Variants in PFKM observed in about 807,000 individuals in gnomAD.
PFKM encodes ATP-dependent 6-phosphofructokinase, muscle type.
A neutral mutation model predicts 95.5 loss-of-function variants in PFKM; 58 were observed. The ratio of observed to expected loss-of-function variants is 0.61; its 90% confidence interval spans 0.49 to 0.76. The LOEUF (loss-of-function observed/expected upper bound fraction) is 0.76, where lower values mean the gene tolerates loss of function less well. PFKM is among the 30% of genes least tolerant of loss of function. The pLI is 0.00. For synonymous variants in PFKM, 336 were observed against 357.2 expected, an observed-to-expected ratio of 0.94 and a Z score of 0.67; for missense variants, 678 against 1,005.4, an observed-to-expected ratio of 0.67 and a Z score of 4.40.
chr12:48,116,197 C>T (rs2137689026), upstream of PFKM, among the ~76,000 whole-genome samples: 1 of 147,420 alleles, frequency 6.8e-6, no homozygotes, highest in South Asian at 2.2e-4. Flanking sequence ...CTCTCTCCTT[C>T]CCTCCTTCCT....
chr12:48,135,982 G>A (rs894335343), intron 10 of PFKM, among the ~76,000 whole-genome samples: 18 of 151,874 alleles, frequency 1.2e-4, no homozygotes, highest in African/African-American at 3.1e-4. Context: ...TCTGCCTCCC[G>A]GGTTCACACC....
intron 3 of PFKM, among the ~76,000 whole-genome samples, chr12:48,111,199 A>G (rs1265429897): frequency 6.6e-6 from 1 of 152,210 alleles, no homozygotes; most frequent in African/African-American, 2.4e-5. Context: ...GAAGCATTCC[A>G]AAGGAGTGCT....
rs762375831 is a variant in PFKM, at chr12:48,122,814, A to G, written c.40A>G (p.Ile14Val). 1.9e-6 allele frequency: 3 copies of G among 1,614,118 alleles called. No individual in the cohort carries two copies. The South Asian group carries it at 3.3e-5, about 18-fold the overall frequency. ...EEHHAAKTLG[I>V]GKAIAVLTSG... Reference sequence around the variant, plus strand: ...GCACCATGCAGCCAAAACCCTGGGGATTGGCAAAGCCATTGCTGTCTTAAC... The same window carrying G: ...GCACCATGCAGCCAAAACCCTGGGGGTTGGCAAAGCCATTGCTGTCTTAAC... Residue 14 changes from isoleucine to valine, a missense_variant, in exon 2 of 23, where the codon ATT becomes GTT. Coordinates refer to ENST00000359794, the MANE Select transcript of PFKM (RefSeq NM_000289.6).
At chr12:48,105,610 A>G (rs1486290645), upstream of PFKM, 2 of 458,620 alleles carry the variant, frequency 4.4e-6, no homozygotes, top group East Asian at 1.1e-4. Flanking sequence ...AAGGCGGGAG[A>G]TGAAGCCGGT....
At position 48,142,845 on chromosome 12, in the gene PFKM, A is replaced by G; in HGVS notation, c.1717A>G (p.Met573Val). The change falls in exon 18 of 23, where the codon ATG becomes GTG. Residue 573 changes from methionine to valine, a missense_variant. By Grantham distance (21) the Met-to-Val change is conservative. Transcript: ENST00000359794. Reference protein sequence around the residue: ...TKRRVFIIETMGGYCGYLATM... With the variant: ...TKRRVFIIETVGGYCGYLATM... ...GCGTCGGGTGTTTATCATTGAGACT[A>G]TGGGTGGCTACTGTGGCTACCTGGC... 1.2e-6 allele frequency: 2 copies of G among 1,614,048 alleles called. No homozygotes were observed. The highest frequency in any genetic ancestry group is 1.7e-6 in the Non-Finnish European group (2 of 1,179,950).
At chr12:48,123,002 A>AC in intron 2 of PFKM, 143 bp downstream of exon 2, 1 of 700,236 alleles carries the variant, frequency 1.4e-6, no homozygotes, top group Non-Finnish European at 2.5e-6. Flanking sequence ...CTAAGTCCTC[A>AC]AGTGCATTTG....
At chr12:48,131,469 T>TC in intron 4 of PFKM, 76 bp downstream of exon 4, 12 of 1,019,006 alleles carry the variant, frequency 1.2e-5, no homozygotes, top group Non-Finnish European at 1.9e-5. Context: ...GCTCATGGTC[T>TC]CCTAAATTCC....
At chr12:48,131,865 G>C (rs1295592999) in intron 4 of PFKM, 1 of 368,392 alleles carries the variant, frequency 2.7e-6, no homozygotes, top group Non-Finnish European at 5.3e-6. Context: ...AGTATCCTGA[G>C]GATTTCCACA....
chr12:48,109,846 C>T (rs564188703), intron 3 of PFKM, among the ~76,000 whole-genome samples: 1 of 152,292 alleles, frequency 6.6e-6, no homozygotes, highest in African/African-American at 2.4e-5. Context: ...TCTTCCCTTC[C>T]TCCTTCCCTC....
Position 48,134,945 on chromosome 12 carries a change from A to C in PFKM, c.750A>C (p.Thr250=). ...EEHLCRRLSE[T]RTRGSRLNII... ...TTTTACCCTTTGTTCTCAACCAGAC[A>C]AGGACCCGTGGTTCTCGTCTCAACA... The change falls in exon 9 of 23, where the codon ACA becomes ACC. Residue 250 remains threonine, a splice_region_variant and synonymous_variant. Coordinates refer to ENST00000359794, the MANE Select transcript of PFKM (RefSeq NM_000289.6). 1 of 1,613,378 alleles carries C rather than the reference A, an allele frequency of 6.2e-7. No homozygotes were observed. Among genetic ancestry groups the C allele is most frequent in the Non-Finnish European group, 8.5e-7 (1 of 1,179,344 alleles).
chr12:48,131,871 C>T, intron 4 of PFKM: 1 of 372,122 alleles, frequency 2.7e-6, no homozygotes, highest in African/African-American at 2.1e-5. Context: ...CTGAGGATTT[C>T]CACAGTCCTT....
At chr12:48,128,939 A>G (rs1032304314) in intron 2 of PFKM, among the ~76,000 whole-genome samples, 2 of 152,190 alleles carry the variant, frequency 1.3e-5, no homozygotes, top group African/African-American at 4.8e-5. Flanking sequence ...GTCACATTAC[A>G]TGGTAGGAAA....
upstream of PFKM, chr12:48,118,340 T>C (rs1051148507): frequency 2.8e-5 from 17 of 597,188 alleles, no homozygotes; most frequent in Middle Eastern, 9.4e-4. Flanking sequence ...ATCAGATACA[T>C]GATTTGCAAA....
intron 4 of PFKM, 86 bp from the exon 5 acceptor site, chr12:48,132,782 T>C: frequency 8.7e-7 from 1 of 1,150,122 alleles, no homozygotes; most frequent in East Asian, 2.6e-5. Context: ...CACACAGTTA[T>C]GTTAGGCCAT....
intron 2 of PFKM, among the ~76,000 whole-genome samples, chr12:48,124,883 C>G (rs956439885): frequency 6.6e-6 from 1 of 152,118 alleles, no homozygotes; most frequent in African/African-American, 2.4e-5. Flanking sequence ...AGTCGCCTGC[C>G]CAGAGCTGAG....
rs530936934 is a variant in PFKM at position 48,145,380 on chromosome 12, C to CCTGTTCA, written c.2198+70_2198+76dup. 5,547 of 1,405,522 alleles carry CCTGTTCA rather than the reference C, an allele frequency of 3.9e-3. 23 individuals are homozygous for CCTGTTCA. The highest frequency in any genetic ancestry group is 4.9e-3 in the Non-Finnish European group (4,822 of 991,610). 87.1% of individuals were successfully genotyped at this position (1,405,522 alleles called of 1,614,324 possible). A position where few individuals can be genotyped will look rare whatever the true frequency, so the allele number is the denominator to read the frequency against. On this transcript the variant is annotated intron_variant, in intron 22 of 22. Transcript: ENST00000359794. The surrounding 1 kb of genome is among the most constrained non-coding windows in gnomAD (Gnocchi z 4.3). ...TAGTTTCAAGCTCTACTGTCCTCAA[C>CCTGTTCA]CTGTTCACTGTCTTTAATTCTTTTT...
chr12:48,110,625 C>T (rs1402987632), intron 3 of PFKM, among the ~76,000 whole-genome samples: 1 of 152,156 alleles, frequency 6.6e-6, no homozygotes, highest in African/African-American at 2.4e-5. Flanking sequence ...TTCTGCCAGC[C>T]CAAGAAATTC....
upstream of PFKM, among the ~76,000 whole-genome samples, chr12:48,116,575 C>CTCAAG (rs1243438713): frequency 2.0e-5 from 3 of 152,128 alleles, no homozygotes; most frequent in Admixed American, 6.5e-5. Flanking sequence ...GCCTCCCAGG[C>CTCAAG]TCAAGTCATT....
exon 1 of PFKM, chr12:48,106,119 G>GC: frequency 1.4e-6 from 1 of 702,688 alleles, no homozygotes; most frequent in Non-Finnish European, 2.6e-6. Flanking sequence ...CGCCTTCACA[G>GC]CACCGGAAGA....
Sources: allele counts gnomAD v4.1 joint callset (sites outside exome capture counted in the v4.1 genomes callset), GRCh38; gene constraint gnomAD v4.1.1; non-coding constraint Gnocchi (gnomAD v3.1); transcripts MANE v1.5; gene names NCBI Gene and HGNC (gene_info 2026-07-23, HGNC 2026-07-21).